SYNE1: variants seen among roughly 807,000 people sequenced by gnomAD.
SYNE1 encodes the protein nesprin-1.
Under a neutral mutation model 1,111.0 loss-of-function variants are expected in SYNE1, and 616 were observed. The ratio of observed to expected loss-of-function variants is 0.55; its 90% confidence interval spans 0.52 to 0.59. The LOEUF (loss-of-function observed/expected upper bound fraction) is 0.59, where lower values mean the gene tolerates loss of function less well. Ranked by LOEUF, SYNE1 falls within the 20% of genes least tolerant of loss-of-function variation. The pLI is 0.00. For synonymous variants in SYNE1, 3,855 were observed against 3,825.8 expected (o/e 1.01, Z -0.28); for missense variants, 10,006 against 10,417.0 (o/e 0.96, Z 1.72).
chr6:152,629,040 A>G (rs944996260), intron 2 of SYNE1, among the ~76,000 whole-genome samples: 2 of 152,126 alleles, frequency 1.3e-5, no homozygotes, highest in African/African-American at 4.8e-5. Context: ...AAATGTAAAA[A>G]CCATTTAATT....
chr6:152,475,143 A>T (rs1390506748), intron 14 of SYNE1, among the ~76,000 whole-genome samples: 1 of 152,204 alleles, frequency 6.6e-6, no homozygotes, highest in Middle Eastern at 3.2e-3. Context: ...AATTAATAAA[A>T]TGGAACACAT....
At chr6:152,434,116 A>G in intron 33 of SYNE1, 171 bp from the exon 34 acceptor site, 2 of 625,660 alleles carry the variant, frequency 3.2e-6, no homozygotes, top group South Asian at 4.1e-5. Flanking sequence ...GTAGTTTATC[A>G]GGTTTTCCTA....
chr6:152,136,780 G>C lies in SYNE1; in HGVS notation c.25497C>G (p.Ile8499Met). The change falls in exon 141 of 146, where the codon ATC becomes ATG. Residue 8499 changes from isoleucine (I) to methionine (M), a missense_variant. Ile to Met is a conservative substitution (Grantham distance 10). Coordinates refer to ENST00000367255, the MANE Select transcript of SYNE1 (RefSeq NM_182961.4). ...QKAVDHRKAI[I>M]LSINLCSPEF... ...CAGGGCTGCAGAGATTGATGGAGAG[G>C]ATGATGGCTTTGCGGTGGTCCACAG... 6.2e-7 allele frequency: 1 copy of C among 1,614,228 alleles called. No individual in the cohort carries two copies.
intron 117 of SYNE1, among the ~76,000 whole-genome samples, chr6:152,223,321 AT>A (rs2153473799): frequency 6.6e-6 from 1 of 152,266 alleles, no homozygotes; most frequent in African/African-American, 2.4e-5. Context: ...CCTAAAAAAA[AT>A]ATTTCCTTAA....
chr6:152,155,097 A>G, intron 132 of SYNE1, 55 bp from the exon 133 acceptor site: 1 of 1,609,678 alleles, frequency 6.2e-7, no homozygotes. Context: ...TTTTCGCTCC[A>G]GAACCCGGTC....
At chr6:152,375,695 T>A (rs1414841590) in intron 58 of SYNE1, among the ~76,000 whole-genome samples, 3 of 152,226 alleles carry the variant, frequency 2.0e-5, no homozygotes, top group Admixed American at 2.0e-4. Flanking sequence ...TACCCTATTG[T>A]ACACTGACAG....
chr6:152,277,134 C>A (rs942642032), intron 98 of SYNE1, among the ~76,000 whole-genome samples: 1 of 151,772 alleles, frequency 6.6e-6, no homozygotes, highest in African/African-American at 2.4e-5. Context: ...TCATGATCTG[C>A]CAGCCTTGGC....
chr6:152,578,109 CTA>C (rs1252315225), intron 3 of SYNE1, among the ~76,000 whole-genome samples: 1 of 152,012 alleles, frequency 6.6e-6, no homozygotes, highest in Admixed American at 6.6e-5. Context: ...CAATTGCAAA[CTA>C]TTTTTCTTTT....
chr6:152,207,926 G>T, intron 125 of SYNE1, 46 bp downstream of exon 125: 1 of 1,599,244 alleles, frequency 6.3e-7, no homozygotes, highest in Non-Finnish European at 8.6e-7. Context: ...AAAGTGTGCG[G>T]TGGAAATGCC....
chr6:152,338,079 C>A (rs1016264078), intron 75 of SYNE1, among the ~76,000 whole-genome samples: 1 of 151,838 alleles, frequency 6.6e-6, no homozygotes, highest in East Asian at 1.9e-4. Flanking sequence ...ATGTGGGAGG[C>A]GGAGGTTGCA....
intron 11 of SYNE1, 85 bp from the exon 12 acceptor site, chr6:152,488,588 A>C (rs1013537830): frequency 1.2e-6 from 1 of 808,844 alleles, no homozygotes; most frequent in Non-Finnish European, 2.0e-6. Flanking sequence ...TCTAGAAGAG[A>C]CTTAATATTT....
At chr6:152,234,552 A>G in intron 111 of SYNE1, 116 bp downstream of exon 111, 2 of 1,247,660 alleles carry the variant, frequency 1.6e-6, no homozygotes, top group Middle Eastern at 3.8e-4. Flanking sequence ...TTGGCCTCCC[A>G]AAGTGTGGGA....
intron 3 of SYNE1, among the ~76,000 whole-genome samples, chr6:152,568,463 C>T (rs112531440): frequency 0.043 from 6,572 of 151,792 alleles, 368 homozygotes; most frequent in African/African-American, 0.13. Context: ...CCACCACACT[C>T]GGCTAATTTT....
chr6:152,602,180 G>C (rs1355451779), intron 3 of SYNE1, among the ~76,000 whole-genome samples: 1 of 152,122 alleles, frequency 6.6e-6, no homozygotes, highest in Admixed American at 6.5e-5. Context: ...ATCTGTTGAA[G>C]TTCTAACCTC....
At chr6:152,433,639 C>T (rs1193123944) in intron 34 of SYNE1, 156 bp downstream of exon 34, 4 of 837,518 alleles carry the variant, frequency 4.8e-6, no homozygotes, top group Non-Finnish European at 5.7e-6. Context: ...AGTATTAATC[C>T]AGACCTCTTA....
At chr6:152,181,846 A>T (rs2068171475) in intron 128 of SYNE1, among the ~76,000 whole-genome samples, 1 of 152,188 alleles carries the variant, frequency 6.6e-6, no homozygotes, top group Non-Finnish European at 1.5e-5. Flanking sequence ...TCATATGGTA[A>T]CACTATAGAT....
chr6:152,331,694 G>A lies in SYNE1; in HGVS notation c.12991C>T (p.Leu4331Phe), dbSNP rs752673963. 1.9e-6 allele frequency: 3 copies of A among 1,614,114 alleles called. No individual in the cohort carries two copies. The highest frequency in any genetic ancestry group is 2.5e-6 in the Non-Finnish European group (3 of 1,180,006). Reference protein sequence around the residue: ...LEQRWFQLEDLIKRKIQVSVT... With the variant: ...LEQRWFQLEDFIKRKIQVSVT... ...GACACTTGGATTTTCCTTTTAATGA[G>A]GTCCTCAAGCTGAAACCAACGTTGC... Residue 4331 changes from leucine to phenylalanine, a missense_variant, in exon 78 of 146, where the codon CTC becomes TTC. This residue lies in a region of SYNE1 where 4,955 missense variants were observed against 5,017.2 expected (regional missense o/e 0.99). Coordinates refer to ENST00000367255, the MANE Select transcript of SYNE1 (RefSeq NM_182961.4).
chr6:152,170,457 G>C (rs193072068), intron 130 of SYNE1, among the ~76,000 whole-genome samples: 3 of 152,312 alleles, frequency 2.0e-5, no homozygotes, highest in Non-Finnish European at 4.4e-5. Flanking sequence ...TACTCAGTAA[G>C]ACCTGGGCCA....
intron 3 of SYNE1, among the ~76,000 whole-genome samples, chr6:152,550,174 A>G (rs2099333766): frequency 6.6e-6 from 1 of 152,200 alleles, no homozygotes; most frequent in South Asian, 2.1e-4. Context: ...GAAAGGTTAC[A>G]TAGAAATTAC....
Sources: allele counts gnomAD v4.1 joint callset (sites outside exome capture counted in the v4.1 genomes callset), GRCh38; gene constraint gnomAD v4.1.1; regional missense constraint gnomAD v4.1.1; transcripts MANE v1.5; gene names NCBI Gene and HGNC (gene_info 2026-07-23, HGNC 2026-07-21).